The following ARSB variants were observed in gnomAD, a reference collection of about 807,000 sequenced individuals.
The protein encoded by ARSB is arylsulfatase B, also known as N-acetylgalactosamine-4-sulfatase.
Under a neutral mutation model 50.9 loss-of-function variants are expected in ARSB, and 41 were observed. The ratio of observed to expected loss-of-function variants is 0.81; its 90% CI spans 0.63 to 1.04. The LOEUF (loss-of-function observed/expected upper bound fraction) is 1.04, where lower values mean the gene tolerates loss of function less well. Ranked by LOEUF, ARSB falls within the 50% of genes least tolerant of loss-of-function variation. ARSB has a pLI of 0.00. For missense variants in ARSB, 672 were observed against 693.3 expected (o/e 0.97, Z 0.35); for synonymous variants, 269 against 284.8 (o/e 0.94, Z 0.56).
At chr5:78,920,766 C>G (rs1749772843) in intron 4 of ARSB, among the ~76,000 whole-genome samples, 1 of 152,200 alleles carries the variant, frequency 6.6e-6, no homozygotes. Context: ...GAAGTCCTTA[C>G]AGCCAGAACC....
Position 78,957,916 on chromosome 5 carries a change from AG to A in ARSB, c.691-2415del, listed in dbSNP as rs745809692. ...CACCAGCCAAGGTCCAGATGGGGAT[AG>A]GATTAAAAATCGGAAGTCTACAACA... On this transcript the variant is annotated intron_variant, in intron 3 of 7. Coordinates refer to ENST00000264914, the MANE Select transcript of ARSB (RefSeq NM_000046.5). 5.9e-5 allele frequency among the ~76,000 whole-genome samples: 9 copies of A among 152,016 alleles called. 1 individual carries two copies. Among genetic ancestry groups the A allele is most frequent in the Admixed American group, 1.3e-4 (2 of 15,246 alleles).
intron 6 of ARSB, among the ~76,000 whole-genome samples, chr5:78,826,477 TG>T (rs1390772140): frequency 1.3e-5 from 2 of 152,228 alleles, no homozygotes; most frequent in Non-Finnish European, 2.9e-5. Context: ...TGTATTTTAA[TG>T]GAGACAGGAG....
intron 5 of ARSB, among the ~76,000 whole-genome samples, chr5:78,841,171 A>ACTACTAC (rs1554074366): frequency 0.017 from 1,028 of 61,988 alleles, 11 homozygotes; most frequent in Middle Eastern, 0.05. Flanking sequence ...ACTACTACTA[A>ACTACTAC]TAATAATAAT....
chr5:78,885,489 A>G, intron 5 of ARSB, 95 bp downstream of exon 5: 1 of 1,535,642 alleles, frequency 6.5e-7, no homozygotes, highest in Non-Finnish European at 8.8e-7. Context: ...AAGCTGAACT[A>G]TCATTTTAAC....
chr5:78,860,072 C>T (rs755599776), intron 5 of ARSB, among the ~76,000 whole-genome samples: 8 of 152,102 alleles, frequency 5.3e-5, no homozygotes, highest in Admixed American at 2.0e-4. Context: ...ATAAGTGCAA[C>T]GTGGTGCTGA....
At chr5:78,839,895 T>C (rs1000979466) in intron 5 of ARSB, among the ~76,000 whole-genome samples, 6 of 152,164 alleles carry the variant, frequency 3.9e-5, no homozygotes, top group African/African-American at 9.7e-5. Flanking sequence ...ATGTCCAAAT[T>C]TGCAACACGG....
intron 5 of ARSB, among the ~76,000 whole-genome samples, chr5:78,878,089 AT>A (rs199978823): frequency 1.3e-5 from 2 of 152,132 alleles, no homozygotes; most frequent in African/African-American, 4.8e-5. Context: ...AGAAAACAGA[AT>A]TTTTTTTAAA....
chr5:78,885,529 T>C (rs768620820), intron 5 of ARSB, 55 bp downstream of exon 5: 13 of 1,600,778 alleles, frequency 8.1e-6, no homozygotes, highest in African/African-American at 1.3e-5. Context: ...CTCAATGGAG[T>C]CAGGCTGCTC....
At chr5:78,856,059 G>A (rs188758887) in intron 5 of ARSB, among the ~76,000 whole-genome samples, 20 of 152,322 alleles carry the variant, frequency 1.3e-4, no homozygotes, top group Middle Eastern at 3.4e-3. Flanking sequence ...CCATCTTGCT[G>A]ATGTCATGCT....
At chr5:78,942,090 C>A (rs923715766) in intron 4 of ARSB, among the ~76,000 whole-genome samples, 9 of 152,180 alleles carry the variant, frequency 5.9e-5, no homozygotes, top group Non-Finnish European at 1.3e-4. Context: ...GTAGTATTCT[C>A]TGATGGTAGT....
intron 5 of ARSB, among the ~76,000 whole-genome samples, chr5:78,846,077 T>C (rs1014540880): frequency 2.0e-5 from 3 of 152,130 alleles, no homozygotes; most frequent in Admixed American, 2.0e-4. Context: ...GAGATACAGG[T>C]TTGGTTTCAT....
At chr5:78,784,318 G>C (rs1331940763) in intron 6 of ARSB, among the ~76,000 whole-genome samples, 1 of 152,104 alleles carries the variant, frequency 6.6e-6, no homozygotes, top group East Asian at 1.9e-4. Flanking sequence ...CCCACCACTA[G>C]GTATTTATCC....
At chr5:78,964,350 T>C (rs1368881475) in intron 3 of ARSB, 66 bp downstream of exon 3, 1 of 1,481,508 alleles carries the variant, frequency 6.7e-7, no homozygotes, top group African/African-American at 1.4e-5. Context: ...GGCCTTTTCC[T>C]ACATTTGTCT....
intron 4 of ARSB, among the ~76,000 whole-genome samples, chr5:78,952,484 A>T (rs1751529869): frequency 6.6e-6 from 1 of 152,076 alleles, no homozygotes; most frequent in African/African-American, 2.4e-5. Context: ...CTACAGGCAC[A>T]TGCCACCACA....
chr5:78,862,016 T>C (rs1276516727), intron 5 of ARSB, among the ~76,000 whole-genome samples: 1 of 152,158 alleles, frequency 6.6e-6, no homozygotes, highest in Non-Finnish European at 1.5e-5. Flanking sequence ...CCATTCACAA[T>C]TGCTTCAAAG....
At chr5:78,841,168 C>CTACTACTACTACTAATAATAATAA (rs368030435) in intron 5 of ARSB, among the ~76,000 whole-genome samples, 2,729 of 131,862 alleles carry the variant, frequency 0.021, 35 homozygotes, top group Non-Finnish European at 0.029. Context: ...ACTACTACTA[C>CTACTACTACTACTAATAATAATAA]TAATAATAAT....
intron 5 of ARSB, among the ~76,000 whole-genome samples, chr5:78,865,283 A>C (rs1174400063): frequency 1.3e-5 from 2 of 152,202 alleles, no homozygotes; most frequent in Non-Finnish European, 2.9e-5. Flanking sequence ...ACTTCTGTGC[A>C]CTGGCAGGCT....
intron 4 of ARSB, among the ~76,000 whole-genome samples, chr5:78,895,520 A>G (rs1329152349): frequency 6.6e-6 from 1 of 152,204 alleles, no homozygotes. Context: ...CAGCAATACA[A>G]TGTGCCTGCC....
chr5:78,870,701 C>T (rs1747102992), intron 5 of ARSB, among the ~76,000 whole-genome samples: 1 of 150,044 alleles, frequency 6.7e-6, no homozygotes, highest in African/African-American at 2.4e-5. Flanking sequence ...AACCCACAGC[C>T]AATATCATAC....
Sources: allele counts gnomAD v4.1 joint callset (sites outside exome capture counted in the v4.1 genomes callset), GRCh38; gene constraint gnomAD v4.1.1; transcripts MANE v1.5; gene names NCBI Gene and HGNC (gene_info 2026-07-23, HGNC 2026-07-21).